ACER3: variants seen among roughly 807,000 people sequenced by gnomAD.
The protein encoded by ACER3 is alkCDase 3.
A neutral mutation model predicts 48.9 loss-of-function variants in ACER3; 16 were observed. That is an observed-to-expected ratio of 0.33 (90% CI 0.22 to 0.50). The LOEUF (loss-of-function observed/expected upper bound fraction) is 0.50. Among genes scored for constraint, ACER3 ranks in the 20% least tolerant of loss-of-function variants. The probability of loss-of-function intolerance (pLI) is 0.98; values close to 1 mark genes in which losing one functional copy is unlikely to be tolerated. For missense variants in ACER3, 227 were observed against 326.0 expected, an observed-to-expected ratio of 0.70 and a Z score of 2.34; for synonymous variants, 109 against 107.8, an observed-to-expected ratio of 1.01 and a Z score of -0.07.
chr11:76,869,428 G>A (rs967721540), intron 1 of ACER3, among the ~76,000 whole-genome samples: 3 of 152,184 alleles, frequency 2.0e-5, no homozygotes, highest in Non-Finnish European at 4.4e-5. Context: ...AGGTTTTATA[G>A]CGTTAGTGCT....
chr11:76,917,175 C>T (rs1252263163), intron 1 of ACER3, among the ~76,000 whole-genome samples: 5 of 152,100 alleles, frequency 3.3e-5, no homozygotes, highest in Non-Finnish European at 7.4e-5. Flanking sequence ...CAAAAGGCCC[C>T]GACTTCTGGA....
At chr11:76,908,883 A>G (rs1237294641) in intron 1 of ACER3, among the ~76,000 whole-genome samples, 2 of 152,212 alleles carry the variant, frequency 1.3e-5, no homozygotes, top group African/African-American at 2.4e-5. Flanking sequence ...CTACAAGGCT[A>G]CAGTAACCAA....
intron 1 of ACER3, among the ~76,000 whole-genome samples, chr11:76,894,844 G>A (rs1945890146): frequency 6.6e-6 from 1 of 152,152 alleles, no homozygotes; most frequent in African/African-American, 2.4e-5. Flanking sequence ...TTGAGGGTAT[G>A]CAAGATAATC....
At chr11:76,952,984 C>T (rs1225765877) in intron 2 of ACER3, among the ~76,000 whole-genome samples, 1 of 152,004 alleles carries the variant, frequency 6.6e-6, no homozygotes, top group Non-Finnish European at 1.5e-5. Context: ...GCATAAGATT[C>T]CAATAAACAG....
chr11:77,019,322 T>C (rs1367075682), intron 9 of ACER3, among the ~76,000 whole-genome samples: 1 of 151,950 alleles, frequency 6.6e-6, no homozygotes, highest in Non-Finnish European at 1.5e-5. Flanking sequence ...ATCTGGGCGT[T>C]GTGGCAGGCG....
chr11:76,932,124 T>G (rs1256726040), intron 2 of ACER3, among the ~76,000 whole-genome samples: 1 of 152,024 alleles, frequency 6.6e-6, no homozygotes, highest in Non-Finnish European at 1.5e-5. Context: ...AATTTTTGTA[T>G]TTTTTTGTAG....
At chr11:76,898,836 G>A (rs1160332309) in intron 1 of ACER3, among the ~76,000 whole-genome samples, 1 of 145,396 alleles carries the variant, frequency 6.9e-6, no homozygotes, top group Non-Finnish European at 1.5e-5. Flanking sequence ...CCCGGGAGGC[G>A]GAGCTTGCAG....
At chr11:76,967,971 G>A (rs947729360) in intron 3 of ACER3, among the ~76,000 whole-genome samples, 4 of 152,236 alleles carry the variant, frequency 2.6e-5, no homozygotes, top group African/African-American at 9.6e-5. Flanking sequence ...GAAATAAAGG[G>A]CATTCAATTA....
At position 76,929,461 on chromosome 11, in the gene ACER3, C is replaced by G. The variant is rs536494826; in HGVS notation, c.214+2794C>G. Among the ~76,000 whole-genome samples the G allele has an allele frequency of 1.2e-4, 19 of 152,340 alleles. 1 individual carries two copies. Among genetic ancestry groups the G allele is most frequent in the Admixed American group, 8.5e-4 (13 of 15,308 alleles). On this transcript the variant is annotated intron_variant, in intron 2 of 10. Transcript: ENST00000532485. ...AATTGAATACGCTTTATTTCTTTCT[C>G]CTGCCTGATTGCCCTGGCCAGAACT... is the stretch of plus-strand genomic sequence containing the variant.
At chr11:77,015,976 G>T (rs911501931) in intron 8 of ACER3, among the ~76,000 whole-genome samples, 1 of 151,984 alleles carries the variant, frequency 6.6e-6, no homozygotes, top group Admixed American at 6.6e-5. Context: ...GCCTGGTGAC[G>T]TGTGCCTGTA....
chr11:76,897,922 C>G (rs1166306659), intron 1 of ACER3, among the ~76,000 whole-genome samples: 1 of 152,098 alleles, frequency 6.6e-6, no homozygotes, highest in Admixed American at 6.6e-5. Flanking sequence ...AGTAGAAGTT[C>G]TTTATGTAAA....
chr11:76,893,449 G>C (rs904974222), intron 1 of ACER3, among the ~76,000 whole-genome samples: 1 of 152,044 alleles, frequency 6.6e-6, no homozygotes, highest in Non-Finnish European at 1.5e-5. Context: ...CCATTTACAG[G>C]CTGTGTGATC....
At chr11:76,940,842 A>G (rs1020943603) in intron 2 of ACER3, among the ~76,000 whole-genome samples, 1 of 152,172 alleles carries the variant, frequency 6.6e-6, no homozygotes, top group African/African-American at 2.4e-5. Flanking sequence ...ATTCAGCAAT[A>G]CCTGGTACAA....
At chr11:76,987,470 AG>A (rs1948709007) in intron 5 of ACER3, among the ~76,000 whole-genome samples, 1 of 152,192 alleles carries the variant, frequency 6.6e-6, no homozygotes, top group African/African-American at 2.4e-5. Flanking sequence ...GCCATGGGGT[AG>A]GGGTAGAGAT....
At chr11:76,948,221 G>A (rs867629287) in intron 2 of ACER3, among the ~76,000 whole-genome samples, 25,256 of 135,456 alleles carry the variant, frequency 0.19, 2,033 homozygotes, top group African/African-American at 0.26. Flanking sequence ...CTGTGTGTGT[G>A]TGTGTGTGTG....
chr11:76,980,784 CTGAA>C (rs1948567095), intron 4 of ACER3, among the ~76,000 whole-genome samples: 1 of 152,150 alleles, frequency 6.6e-6, no homozygotes, highest in Non-Finnish European at 1.5e-5. Flanking sequence ...TATTTAGTAA[CTGAA>C]TGAGCTTAAG....
chr11:76,977,820 C>T (rs1024461098), intron 4 of ACER3, among the ~76,000 whole-genome samples: 5 of 152,216 alleles, frequency 3.3e-5, no homozygotes, highest in East Asian at 3.9e-4. Flanking sequence ...CATCCCTGCA[C>T]TCTTGGAGTT....
chr11:77,013,884 T>A (rs1949315076), intron 7 of ACER3, among the ~76,000 whole-genome samples: 1 of 152,024 alleles, frequency 6.6e-6, no homozygotes, highest in South Asian at 2.1e-4. Flanking sequence ...TACTCAACAA[T>A]AAAGGGAAAT....
At chr11:76,916,631 G>A (rs1362517657) in intron 1 of ACER3, among the ~76,000 whole-genome samples, 1 of 152,002 alleles carries the variant, frequency 6.6e-6, no homozygotes, top group Non-Finnish European at 1.5e-5. Flanking sequence ...AAGAAGTTTC[G>A]GTAAAAGTGG....
Sources: gnomAD v4.1 joint callset for allele counts (sites outside exome capture counted in the v4.1 genomes callset) on GRCh38, gnomAD v4.1.1 for gene constraint, MANE v1.5 for transcripts, NCBI Gene and HGNC (gene_info 2026-07-23, HGNC 2026-07-21) for gene names.